UNC79: variants seen among roughly 807,000 people sequenced by gnomAD.
UNC79 encodes the protein unc-79 subunit of NALCN channel complex, also known as protein unc-79 homolog.
A neutral mutation model predicts 283.1 loss-of-function variants in UNC79; 37 were observed. That is an observed-to-expected ratio of 0.13 (90% CI 0.10 to 0.17). UNC79 has a LOEUF of 0.17. Ranked by LOEUF, UNC79 falls within the 10% of genes least tolerant of loss-of-function variation. UNC79 has a pLI of 1.00. For missense variants in UNC79, 2,272 were observed against 3,211.1 expected (o/e 0.71, Z 7.07); for synonymous variants, 1,107 against 1,200.2 (o/e 0.92, Z 1.61).
At chr14:93,592,711 A>C (rs2064784548) in intron 22 of UNC79, among the ~76,000 whole-genome samples, 1 of 152,236 alleles carries the variant, frequency 6.6e-6, no homozygotes. Context: ...CAACAAAAAC[A>C]ACCAAAAGGC....
chr14:93,607,131 C>T (rs922227874), intron 26 of UNC79, among the ~76,000 whole-genome samples: 1 of 152,112 alleles, frequency 6.6e-6, no homozygotes, highest in African/African-American at 2.4e-5. Flanking sequence ...TTCACTGGTG[C>T]TGTAAGAACC....
chr14:93,349,081 C>T (rs892176773), intron 1 of UNC79, among the ~76,000 whole-genome samples: 3 of 152,092 alleles, frequency 2.0e-5, no homozygotes, highest in Non-Finnish European at 4.4e-5. Context: ...AGCGACACCA[C>T]GAACCCACCA....
intron 12 of UNC79, among the ~76,000 whole-genome samples, chr14:93,539,109 G>T: frequency 6.6e-6 from 1 of 150,774 alleles, no homozygotes; most frequent in East Asian, 2.0e-4. Context: ...CACCATGCTG[G>T]CCAGGCTGGT....
Position 93,621,742 on chromosome 14 carries a change from T to A in UNC79, c.4509T>A (p.Asp1503Glu), listed in dbSNP as rs1469696193. ...GCTCTTTCAAACAAAAATCTCTTGA[T>A]ATAGGGAATGCAGACTCGCTTTTGT... Residue 1503 changes from aspartate to glutamate, a missense_variant, in exon 30 of 49, where the codon GAT becomes GAA. Transcript: ENST00000555664. This position sits in a 1 kb window ranked among gnomAD's most constrained non-coding sequence, Gnocchi z 4.8. The A allele has an allele frequency of 6.2e-7, 1 of 1,613,964 alleles. No individual in the cohort carries two copies. Among genetic ancestry groups the A allele is most frequent in the African/African-American group, 1.3e-5 (1 of 74,898 alleles).
At chr14:93,530,438 AG>A (rs1341042644) in intron 10 of UNC79, among the ~76,000 whole-genome samples, 4 of 151,616 alleles carry the variant, frequency 2.6e-5, no homozygotes, top group South Asian at 2.1e-4. Flanking sequence ...CAAAAAATTT[AG>A]GAGGGCAGGA....
Position 93,676,098 on chromosome 14 carries a change from C to T in UNC79, c.6741+2643C>T, listed in dbSNP as rs141137961. On this transcript the variant is annotated intron_variant, in intron 41 of 48. Coordinates refer to ENST00000555664, the Ensembl canonical transcript of UNC79. Reference sequence around the variant, plus strand: ...TTGAGACAAGATGTTGCTCTGTCACCCAGGTTGGAACGCAGTGGCATGGTC... The same window carrying T: ...TTGAGACAAGATGTTGCTCTGTCACTCAGGTTGGAACGCAGTGGCATGGTC... Among the ~76,000 whole-genome samples the T allele has an allele frequency of 2.0e-4, 30 of 152,164 alleles. 1 individual carries two copies. The East Asian group carries it at 5.6e-3, about 28-fold the overall frequency.
chr14:93,476,230 A>T (rs1353578131), intron 3 of UNC79, among the ~76,000 whole-genome samples: 2 of 152,162 alleles, frequency 1.3e-5, no homozygotes, highest in Non-Finnish European at 2.9e-5. Context: ...TGGGTGGAGC[A>T]CAGGAAGAGC....
chr14:93,580,682 A>T (rs895562344), intron 19 of UNC79, among the ~76,000 whole-genome samples: 2 of 152,282 alleles, frequency 1.3e-5, no homozygotes, highest in Non-Finnish European at 1.5e-5. Context: ...TATATTACAA[A>T]GTTTAAGTGA....
chr14:93,421,923 A>G (rs1004561176), intron 1 of UNC79, among the ~76,000 whole-genome samples: 2 of 151,876 alleles, frequency 1.3e-5, no homozygotes, highest in Non-Finnish European at 2.9e-5. Context: ...GATCATTTCA[A>G]TTCATGCTGA....
chr14:93,593,495 G>A (rs958679746), intron 22 of UNC79, among the ~76,000 whole-genome samples, 185 bp from the exon 23 acceptor site: 1 of 152,282 alleles, frequency 6.6e-6, no homozygotes. Flanking sequence ...GCAGTGTCAC[G>A]TTAAGAGGAC....
intron 39 of UNC79, among the ~76,000 whole-genome samples, chr14:93,661,313 A>G (rs1413101697): frequency 6.6e-6 from 1 of 152,230 alleles, no homozygotes; most frequent in Non-Finnish European, 1.5e-5. Context: ...AGGATTGTAC[A>G]TGTGTAATAT....
At chr14:93,639,200 AAATC>A (rs1280711685) in intron 32 of UNC79, among the ~76,000 whole-genome samples, 2 of 152,226 alleles carry the variant, frequency 1.3e-5, no homozygotes, top group African/African-American at 2.4e-5. Context: ...TTTAATTAAA[AAATC>A]AATTTCTTAT....
intron 1 of UNC79, among the ~76,000 whole-genome samples, chr14:93,434,299 G>C (rs1459535792): frequency 2.0e-5 from 3 of 152,052 alleles, no homozygotes; most frequent in Admixed American, 6.5e-5. Context: ...TCTGTTTCCT[G>C]TGCTATCTGC....
At position 93,690,972 on chromosome 14, in the gene UNC79, A is replaced by T. The variant is rs1245218065; in HGVS notation, c.7272+669A>T. The stretch of plus-strand genomic sequence containing the variant: ...GGGAGGTCACATTGGTCTTGGGGAC[A>T]GCTCGGGTTTGGGACAGGGCAAGCT... On this transcript the variant is annotated intron_variant, in intron 45 of 48. Coordinates refer to ENST00000555664, the Ensembl canonical transcript of UNC79. The surrounding 1 kb of genome is among the most constrained non-coding windows in gnomAD (Gnocchi z 4.3). The T allele has an allele frequency of 6.5e-6, 1 of 153,290 alleles. No individual in the cohort carries two copies. The highest frequency in any genetic ancestry group is 2.4e-5 in the African/African-American group (1 of 41,464). 9.5% of individuals were successfully genotyped at this position (153,290 alleles called of 1,614,324 possible). A position where few individuals can be genotyped will look rare whatever the true frequency, so the allele number is the denominator to read the frequency against.
chr14:93,589,561 T>G (rs537689550), intron 22 of UNC79, among the ~76,000 whole-genome samples: 1 of 152,190 alleles, frequency 6.6e-6, no homozygotes, highest in African/African-American at 2.4e-5. Flanking sequence ...GATCCACTGA[T>G]GGCATCTGCA....
intron 1 of UNC79, among the ~76,000 whole-genome samples, chr14:93,381,133 G>A (rs2054656498): frequency 6.6e-6 from 1 of 152,176 alleles, no homozygotes; most frequent in African/African-American, 2.4e-5. Context: ...CAAGATAAAG[G>A]TACTAACTAG....
chr14:93,628,516 A>G (rs2067746760), intron 30 of UNC79, among the ~76,000 whole-genome samples: 1 of 152,168 alleles, frequency 6.6e-6, no homozygotes, highest in South Asian at 2.1e-4. Flanking sequence ...CCAACATACA[A>G]TAATTTATTC....
Position 93,690,058 on chromosome 14 carries a change from A to T in UNC79, c.7086-59A>T. 1 of 1,564,536 alleles carries T rather than the reference A, an allele frequency of 6.4e-7. No homozygotes were observed. The highest frequency in any genetic ancestry group is 8.7e-7 in the Non-Finnish European group (1 of 1,144,864). Reference sequence around the variant, plus strand: ...TCCCTTCCTTCAATAAGCATTTGTTATGCACCCAATGAAACACAAAACATA... The same window carrying T: ...TCCCTTCCTTCAATAAGCATTTGTTTTGCACCCAATGAAACACAAAACATA... On this transcript the variant is annotated intron_variant, in intron 44 of 48. Transcript: ENST00000555664. The surrounding 1 kb of genome is among the most constrained non-coding windows in gnomAD (Gnocchi z 4.3).
intron 14 of UNC79, among the ~76,000 whole-genome samples, chr14:93,556,591 C>T (rs2062186546): frequency 6.6e-6 from 1 of 151,854 alleles, no homozygotes; most frequent in African/African-American, 2.4e-5. Flanking sequence ...GAGTTCCAGG[C>T]TGTCAGAAAT....
Sources: allele counts gnomAD v4.1 joint callset (sites outside exome capture counted in the v4.1 genomes callset), GRCh38; gene constraint gnomAD v4.1.1; non-coding constraint Gnocchi (gnomAD v3.1); transcripts MANE v1.5; gene names NCBI Gene and HGNC (gene_info 2026-07-23, HGNC 2026-07-21).